The following SLC10A7 variants were observed in gnomAD, a reference collection of about 807,000 sequenced individuals.
SLC10A7 encodes sodium/bile acid cotransporter 7.
In SLC10A7, 29 loss-of-function variants were observed where a neutral mutation model predicts 43.2. That is an observed-to-expected ratio of 0.67 (90% CI 0.50 to 0.92). The LOEUF is 0.92. Ranked by LOEUF, SLC10A7 falls within the 40% of genes least tolerant of loss-of-function variation. The pLI is 0.00. For missense variants in SLC10A7, 295 were observed against 403.2 expected (o/e 0.73, Z 2.30); for synonymous variants, 152 against 144.8 (o/e 1.05, Z -0.35).
intron 6 of SLC10A7, among the ~76,000 whole-genome samples, chr4:146,307,764 G>C (rs1168939052): frequency 6.6e-6 from 1 of 152,056 alleles, no homozygotes; most frequent in Non-Finnish European, 1.5e-5. Flanking sequence ...TTTCCTGCCT[G>C]AAATCACTTC....
chr4:146,366,263 AG>A (rs1310419947), intron 5 of SLC10A7, among the ~76,000 whole-genome samples: 3 of 152,228 alleles, frequency 2.0e-5, no homozygotes, highest in African/African-American at 7.2e-5. Flanking sequence ...ATTTTTTAAA[AG>A]GTATATGTAT....
intron 4 of SLC10A7, among the ~76,000 whole-genome samples, chr4:146,483,376 A>G (rs1350382077): frequency 3.3e-5 from 5 of 152,198 alleles, no homozygotes; most frequent in African/African-American, 1.2e-4. Flanking sequence ...TGTATGTGAC[A>G]GAAAAATTGT....
intron 5 of SLC10A7, among the ~76,000 whole-genome samples, chr4:146,366,187 C>T (rs1736379006): frequency 6.6e-6 from 1 of 152,172 alleles, no homozygotes; most frequent in South Asian, 2.1e-4. Context: ...CAGTAAAAGT[C>T]AGATAATACA....
chr4:146,520,753 GACAA>G (rs1738552274), intron 1 of SLC10A7, among the ~76,000 whole-genome samples: 1 of 152,108 alleles, frequency 6.6e-6, no homozygotes, highest in Non-Finnish European at 1.5e-5. Context: ...CTTGGAAACT[GACAA>G]ACAAGGTCAA....
intron 4 of SLC10A7, among the ~76,000 whole-genome samples, chr4:146,482,270 G>C (rs956909069): frequency 1.3e-5 from 2 of 152,072 alleles, no homozygotes; most frequent in Admixed American, 1.3e-4. Flanking sequence ...TGATGCAACA[G>C]AAAGAGAAAT....
chr4:146,339,807 C>T (rs527658617), intron 5 of SLC10A7, among the ~76,000 whole-genome samples: 3 of 147,474 alleles, frequency 2.0e-5, no homozygotes, highest in African/African-American at 5.0e-5. Flanking sequence ...TTTCATTTGT[C>T]GTTTTTTTTT....
chr4:146,289,556 G>C (rs1730260830), intron 9 of SLC10A7, among the ~76,000 whole-genome samples: 1 of 151,254 alleles, frequency 6.6e-6, no homozygotes, highest in South Asian at 2.1e-4. Flanking sequence ...TTTTAAATTT[G>C]CAGTTTCCCA....
intron 5 of SLC10A7, among the ~76,000 whole-genome samples, chr4:146,399,393 G>C (rs1466599205): frequency 6.6e-6 from 1 of 152,160 alleles, no homozygotes; most frequent in Admixed American, 6.6e-5. Flanking sequence ...CCAAGAAAGA[G>C]TTGGGAGAGA....
rs551609891 is a variant in SLC10A7, at chr4:146,492,162, G to A, written c.396+11687C>T. Among the ~76,000 whole-genome samples the A allele has an allele frequency of 2.1e-3, 312 of 151,920 alleles. 1 individual carries two copies. Among genetic ancestry groups the A allele is most frequent in the African/African-American group, 7.1e-3 (295 of 41,436 alleles). ...ATGCACCCTGGAGGCGGAGCTTGCA[G>A]TGAGCCGAGATCGCGTCACTGCACT... On this transcript the variant is annotated intron_variant, in intron 4 of 11. Transcript: ENST00000335472.
At chr4:146,302,621 G>A (rs1731237997) in intron 7 of SLC10A7, among the ~76,000 whole-genome samples, 1 of 152,128 alleles carries the variant, frequency 6.6e-6, no homozygotes, top group African/African-American at 2.4e-5. Flanking sequence ...AAGTTGAGGT[G>A]GGAGGGTAGG....
rs1244477629 is a variant in SLC10A7 at position 146,355,700 on chromosome 4, C to T, written c.436-29704G>A. On this transcript the variant is annotated intron_variant, in intron 5 of 11. Coordinates refer to ENST00000335472, the MANE Select transcript of SLC10A7 (RefSeq NM_001029998.6). The stretch of plus-strand genomic sequence containing the variant: ...GTGGCACATATACACCATGGAATAC[C>T]ATGCAGCCATAAAAAATGATGAGTT... Among the ~76,000 whole-genome samples the T allele has an allele frequency of 2.9e-3, 436 of 151,516 alleles. 1 individual carries two copies. The highest frequency in any genetic ancestry group is 4.4e-3 in the Non-Finnish European group (299 of 67,856).
chr4:146,392,365 G>T (rs576923007), intron 5 of SLC10A7, among the ~76,000 whole-genome samples: 1 of 152,186 alleles, frequency 6.6e-6, no homozygotes, highest in South Asian at 2.1e-4. Flanking sequence ...AAAACATTGA[G>T]ATTGAATGGT....
At chr4:146,342,228 A>T (rs1466943440) in intron 5 of SLC10A7, among the ~76,000 whole-genome samples, 1 of 151,712 alleles carries the variant, frequency 6.6e-6, no homozygotes, top group Non-Finnish European at 1.5e-5. Flanking sequence ...CTTTTATTTG[A>T]CTGATTTTAT....
intron 10 of SLC10A7, among the ~76,000 whole-genome samples, chr4:146,281,509 C>T (rs576568356): frequency 7.9e-5 from 12 of 151,812 alleles, no homozygotes; most frequent in East Asian, 3.9e-4. Context: ...AGCCATGGTT[C>T]GGCCTATGCT....
chr4:146,494,280 A>G (rs763950829), intron 4 of SLC10A7, among the ~76,000 whole-genome samples: 1 of 152,244 alleles, frequency 6.6e-6, no homozygotes, highest in African/African-American at 2.4e-5. Context: ...AATTAAGCAC[A>G]TGCTTTGATT....
chr4:146,394,993 C>T (rs936142413), intron 5 of SLC10A7, among the ~76,000 whole-genome samples: 1 of 152,104 alleles, frequency 6.6e-6, no homozygotes, highest in Non-Finnish European at 1.5e-5. Context: ...TAAAGCCTTC[C>T]TTGATATTCT....
At chr4:146,353,074 T>C (rs1280488019) in intron 5 of SLC10A7, among the ~76,000 whole-genome samples, 1 of 151,550 alleles carries the variant, frequency 6.6e-6, no homozygotes, top group East Asian at 1.9e-4. Context: ...CAAAAAACCC[T>C]TCAAAAAATC....
chr4:146,478,693 T>C (rs551086715), intron 4 of SLC10A7, among the ~76,000 whole-genome samples: 3 of 152,318 alleles, frequency 2.0e-5, no homozygotes, highest in African/African-American at 7.2e-5. Flanking sequence ...TTATGCCAAA[T>C]CCCTATCCTA....
At chr4:146,310,961 T>TG (rs1393097985) in intron 6 of SLC10A7, among the ~76,000 whole-genome samples, 1 of 3,808 alleles carries the variant, frequency 2.6e-4, no homozygotes, top group African/African-American at 1.1e-3. Flanking sequence ...AGGGGGAGGA[T>TG]GGGGGGAGGG....
Sources: allele counts gnomAD v4.1 joint callset (sites outside exome capture counted in the v4.1 genomes callset), GRCh38; gene constraint gnomAD v4.1.1; transcripts MANE v1.5; gene names NCBI Gene and HGNC (gene_info 2026-07-23, HGNC 2026-07-21).